The following ENTPD1 variants were observed in gnomAD, a reference collection of about 807,000 sequenced individuals.
ENTPD1 encodes ATP diphosphohydrolase.
Under a neutral mutation model 57.0 loss-of-function variants are expected in ENTPD1, and 33 were observed. The observed-to-expected ratio is 0.58, with a 90% CI of 0.44 to 0.77. The LOEUF is 0.77. Among genes scored for constraint, ENTPD1 ranks in the 30% least tolerant of loss-of-function variants. ENTPD1 has a pLI of 0.00. For missense variants in ENTPD1, 501 were observed against 603.4 expected (o/e 0.83, Z 1.78); for synonymous variants, 202 against 218.8 (o/e 0.92, Z 0.68).
intron 1 of ENTPD1, among the ~76,000 whole-genome samples, chr10:95,723,491 A>C (rs913311316): frequency 2.0e-5 from 3 of 152,082 alleles, no homozygotes; most frequent in Admixed American, 6.5e-5. Flanking sequence ...CTAAGGATGC[A>C]GTGTAGAGCT....
Position 95,791,911 on chromosome 10 carries a change from G to C in ENTPD1, c.17-31326G>C, listed in dbSNP as rs577631035. On this transcript the variant is annotated intron_variant, in intron 1 of 9. Transcript: ENST00000371205. This position sits in a 1 kb window ranked among gnomAD's most constrained non-coding sequence, Gnocchi z 4.1. ...AAAAAGAGAAATCATGTTCATGGGG[G>C]GTATTTTAGAAGTCAGCATGGTGGA... Among the ~76,000 whole-genome samples the C allele has an allele frequency of 6.6e-6, 1 of 152,026 alleles. No individual in the cohort carries two copies. Among genetic ancestry groups the C allele is most frequent in the Non-Finnish European group, 1.5e-5 (1 of 67,992 alleles).
At chr10:95,738,434 C>G (rs1416557220) in intron 1 of ENTPD1, among the ~76,000 whole-genome samples, 1 of 152,208 alleles carries the variant, frequency 6.6e-6, no homozygotes, top group Non-Finnish European at 1.5e-5. Context: ...AGGGAGGCCC[C>G]TTGCTTGGCC....
chr10:95,743,458 A>G (rs919223333), intron 1 of ENTPD1, among the ~76,000 whole-genome samples: 2 of 152,210 alleles, frequency 1.3e-5, no homozygotes, highest in African/African-American at 4.8e-5. Flanking sequence ...TATGCAGGCC[A>G]TACTTAAGGA....
chr10:95,768,366 T>C (rs1490721436), intron 1 of ENTPD1, among the ~76,000 whole-genome samples: 1 of 152,214 alleles, frequency 6.6e-6, no homozygotes, highest in Non-Finnish European at 1.5e-5. Context: ...CTGTTTTGTT[T>C]GTTTGTTTTT....
intron 1 of ENTPD1, among the ~76,000 whole-genome samples, chr10:95,726,287 T>C (rs962449519): frequency 2.0e-5 from 3 of 152,232 alleles, no homozygotes; most frequent in East Asian, 1.9e-4. Flanking sequence ...GAAAGTGTTA[T>C]AACTTTTGCT....
intron 1 of ENTPD1, among the ~76,000 whole-genome samples, chr10:95,733,398 C>T (rs538631970): frequency 2.6e-5 from 4 of 152,178 alleles, no homozygotes; most frequent in East Asian, 1.9e-4. Flanking sequence ...GTGCAGTTAA[C>T]GCAATCATGA....
intron 1 of ENTPD1, among the ~76,000 whole-genome samples, chr10:95,804,264 G>A (rs1000577484): frequency 1.3e-5 from 2 of 152,324 alleles, no homozygotes; most frequent in East Asian, 3.9e-4. Context: ...GCTTGGTGGG[G>A]ATGGCTTTGA....
rs2098475870 is a variant in ENTPD1, at chr10:95,867,601, A to C, written c.*1218A>C. 1 of 985,338 alleles carries C rather than the reference A, an allele frequency of 1.0e-6. No individual in the cohort carries two copies. The highest frequency in any genetic ancestry group is 1.1e-4 in the East Asian group (1 of 8,832). The allele number at this position is 985,338 out of a possible 1,614,324, so 61.0% of individuals were successfully genotyped here. A position where few individuals can be genotyped will look rare whatever the true frequency, so the allele number is the denominator to read the frequency against. ...AAAGTGTTGCCACCCGTCACACAACATGGGCTTTGTTTGCTTATTCCATGA... is the reference window on the plus strand; with the variant it reads ...AAAGTGTTGCCACCCGTCACACAACCTGGGCTTTGTTTGCTTATTCCATGA... On this transcript the variant is annotated 3_prime_UTR_variant, in exon 10 of 10. Transcript: ENST00000371205.
At chr10:95,819,065 T>C (rs2098339620) in intron 1 of ENTPD1, among the ~76,000 whole-genome samples, 1 of 152,216 alleles carries the variant, frequency 6.6e-6, no homozygotes, top group South Asian at 2.1e-4. Flanking sequence ...TGTTTATTAA[T>C]GGAGTAAAAT....
chr10:95,704,264 C>G, the ENTPD1 span, among the ~76,000 whole-genome samples: 1 of 152,098 alleles, frequency 6.6e-6, no homozygotes, highest in Non-Finnish European at 1.5e-5. Flanking sequence ...AAAATTTCAG[C>G]ATTTTTGGGT....
At chr10:95,702,272 A>G in the ENTPD1 span, among the ~76,000 whole-genome samples, 4 of 152,150 alleles carry the variant, frequency 2.6e-5, no homozygotes, top group African/African-American at 9.6e-5. Flanking sequence ...ATAGCTGACA[A>G]GATGGAGAAT....
At chr10:95,823,901 G>A (rs1193781663) in intron 2 of ENTPD1, among the ~76,000 whole-genome samples, 4 of 152,270 alleles carry the variant, frequency 2.6e-5, no homozygotes, top group East Asian at 1.9e-4. Context: ...AAACATATAC[G>A]TGTATCAGGT....
At position 95,826,137 on chromosome 10, in the gene ENTPD1, AAC is replaced by A. The variant is rs201410626; in HGVS notation, c.144+2777_144+2778del. Among the ~76,000 whole-genome samples the A allele has an allele frequency of 2.5e-3, 383 of 152,324 alleles. 5 individuals are homozygous for A. The highest frequency in any genetic ancestry group is 0.018 in the Admixed American group (282 of 15,302). ...ATCTGGGGAAGCAAACATATTTAAT[AAC>A]ACAAATTATTAATTGTAATTATGAT... is the stretch of plus-strand genomic sequence containing the variant. On this transcript the variant is annotated intron_variant, in intron 2 of 9. Coordinates refer to ENST00000371205, the MANE Select transcript of ENTPD1 (RefSeq NM_001776.6).
intron 1 of ENTPD1, among the ~76,000 whole-genome samples, chr10:95,746,510 A>G (rs1353297339): frequency 2.0e-5 from 3 of 152,124 alleles, no homozygotes; most frequent in African/African-American, 4.8e-5. Flanking sequence ...TTAAATTCCA[A>G]TCTCTGAGGG....
chr10:95,853,390 G>T (rs2098448904), intron 7 of ENTPD1, among the ~76,000 whole-genome samples: 1 of 152,290 alleles, frequency 6.6e-6, no homozygotes, highest in African/African-American at 2.4e-5. Flanking sequence ...GGGACAATTT[G>T]ACTTCCTCTT....
chr10:95,828,409 T>C lies in ENTPD1; in HGVS notation c.144+5045T>C, dbSNP rs375921560. On this transcript the variant is annotated intron_variant, in intron 2 of 9. Transcript: ENST00000371205. ...TGAGTTGTGTAATTATTTCATTATG[T>C]ATTACAATGTAATAAAAATAGAAAT... 2.6e-5 allele frequency among the ~76,000 whole-genome samples: 4 copies of C among 152,220 alleles called. No individual in the cohort carries two copies. In the South Asian group the frequency reaches 8.3e-4, roughly 32 times the overall value.
At chr10:95,847,824 T>A in intron 7 of ENTPD1, 118 bp downstream of exon 7, 1 of 1,452,766 alleles carries the variant, frequency 6.9e-7, no homozygotes, top group Non-Finnish European at 9.5e-7. Context: ...TTGAGGTAGA[T>A]GATTAGGGGT....
intron 1 of ENTPD1, among the ~76,000 whole-genome samples, chr10:95,799,561 T>C (rs1342898602): frequency 6.6e-6 from 1 of 152,224 alleles, no homozygotes; most frequent in Non-Finnish European, 1.5e-5. Flanking sequence ...GGCATTTAAG[T>C]TGATTCCGTG....
At chr10:95,722,690 T>A (rs1429371551) in intron 1 of ENTPD1, among the ~76,000 whole-genome samples, 1 of 152,096 alleles carries the variant, frequency 6.6e-6, no homozygotes, top group African/African-American at 2.4e-5. Context: ...AGATATACCA[T>A]TGTGGTTTTT....
Sources: allele counts gnomAD v4.1 joint callset (sites outside exome capture counted in the v4.1 genomes callset), GRCh38; gene constraint gnomAD v4.1.1; non-coding constraint Gnocchi (gnomAD v3.1); transcripts MANE v1.5; gene names NCBI Gene and HGNC (gene_info 2026-07-23, HGNC 2026-07-21).